NR3C2: variants seen among roughly 807,000 people sequenced by gnomAD.
NR3C2 encodes mineralocorticoid receptor.
In NR3C2, 15 loss-of-function variants were observed where a neutral mutation model predicts 86.4. The ratio of observed to expected loss-of-function variants is 0.17; its 90% CI spans 0.12 to 0.27. The LOEUF (loss-of-function observed/expected upper bound fraction) is 0.27, where lower values mean the gene tolerates loss of function less well. Ranked by LOEUF, NR3C2 falls within the 10% of genes least tolerant of loss-of-function variation. The probability of loss-of-function intolerance (pLI) is 1.00; values close to 1 mark genes in which losing one functional copy is unlikely to be tolerated. For synonymous variants in NR3C2, 458 were observed against 450.5 expected (o/e 1.02, Z -0.21); for missense variants, 960 against 1,195.6 (o/e 0.80, Z 2.91).
chr4:148,295,979 A>G (rs1291805852), intron 2 of NR3C2, among the ~76,000 whole-genome samples: 6 of 150,748 alleles, frequency 4.0e-5, no homozygotes, highest in Non-Finnish European at 8.8e-5. Flanking sequence ...CATGGAACAC[A>G]GAAGACAATT....
intron 4 of NR3C2, among the ~76,000 whole-genome samples, chr4:148,170,038 T>A (rs1479332419): frequency 2.6e-5 from 4 of 152,176 alleles, no homozygotes; most frequent in Non-Finnish European, 5.9e-5. Flanking sequence ...AAAAATTCGG[T>A]CTACACCATG....
intron 8 of NR3C2, among the ~76,000 whole-genome samples, chr4:148,098,500 C>T (rs1374126574): frequency 6.6e-6 from 1 of 152,192 alleles, no homozygotes; most frequent in Admixed American, 6.5e-5. Flanking sequence ...ATGCAGTAGA[C>T]CTCAAAAAGG....
At chr4:148,095,691 T>C (rs1174337912) in intron 8 of NR3C2, among the ~76,000 whole-genome samples, 2 of 152,110 alleles carry the variant, frequency 1.3e-5, no homozygotes, top group Non-Finnish European at 2.9e-5. Flanking sequence ...AGAGGCAGGG[T>C]TGTCCCATGC....
chr4:148,349,157 C>T (rs1745146402), intron 2 of NR3C2, among the ~76,000 whole-genome samples: 2 of 152,086 alleles, frequency 1.3e-5, no homozygotes, highest in Non-Finnish European at 2.9e-5. Flanking sequence ...CAGATCCTTC[C>T]TTACCATTAA....
chr4:148,266,844 TGAGAAGTGGCTAATTCA>T (rs760044296), intron 2 of NR3C2, among the ~76,000 whole-genome samples: 11 of 152,142 alleles, frequency 7.2e-5, no homozygotes, highest in Admixed American at 1.3e-4. Context: ...GTAAAGACAG[TGAGAAGTGGCTAATTCA>T]GAGAAATTTT....
chr4:148,370,543 T>A (rs951745351), intron 2 of NR3C2, among the ~76,000 whole-genome samples: 2 of 152,294 alleles, frequency 1.3e-5, no homozygotes, highest in African/African-American at 2.4e-5. Flanking sequence ...TGTCTACATA[T>A]GAAAGAAACA....
chr4:148,375,849 A>G (rs1310249063), intron 2 of NR3C2, among the ~76,000 whole-genome samples: 2 of 152,238 alleles, frequency 1.3e-5, no homozygotes, highest in African/African-American at 4.8e-5. Flanking sequence ...TGTCAAAAAT[A>G]ATGCAGGTGC....
In NR3C2 at chr4:148,422,724, G is replaced by A. The variant is rs1013859846; in HGVS notation, c.1757+12380C>T. On this transcript the variant is annotated intron_variant, in intron 2 of 8. Coordinates refer to ENST00000358102, the MANE Select transcript of NR3C2 (RefSeq NM_000901.5). ...CATTTACATAATCTTTCACCAGTTT[G>A]CTTTCCAACTCTGCCAAACCAGTAG... Among the ~76,000 whole-genome samples, 4 of 151,992 alleles carry A rather than the reference G, an allele frequency of 2.6e-5. No homozygotes were observed. In the East Asian group the frequency reaches 5.8e-4, roughly 22 times the overall value.
intron 2 of NR3C2, among the ~76,000 whole-genome samples, chr4:148,270,556 A>G (rs900342984): frequency 6.6e-6 from 1 of 152,164 alleles, no homozygotes; most frequent in Non-Finnish European, 1.5e-5. Flanking sequence ...CAAACCTACT[A>G]TCTGACTTTG....
chr4:148,405,268 C>A (rs1311461908), intron 2 of NR3C2, among the ~76,000 whole-genome samples: 2 of 152,230 alleles, frequency 1.3e-5, no homozygotes, highest in African/African-American at 4.8e-5. Context: ...CCTTTTCTCT[C>A]CAACTCTCAA....
chr4:148,152,885 C>T (rs1734168307), intron 5 of NR3C2, among the ~76,000 whole-genome samples: 1 of 152,188 alleles, frequency 6.6e-6, no homozygotes. Context: ...GTGTGGATGA[C>T]AGCCTAAAAC....
At chr4:148,099,083 C>G (rs1731420844) in intron 8 of NR3C2, among the ~76,000 whole-genome samples, 1 of 152,180 alleles carries the variant, frequency 6.6e-6, no homozygotes, top group African/African-American at 2.4e-5. Flanking sequence ...GGTGTTCTAC[C>G]CATTGCAAGC....
intron 4 of NR3C2, among the ~76,000 whole-genome samples, chr4:148,182,700 T>A (rs1022864962): frequency 1.3e-5 from 2 of 152,256 alleles, no homozygotes; most frequent in East Asian, 3.8e-4. Context: ...AAAAGATAGC[T>A]GAGCCACTTT....
intron 8 of NR3C2, among the ~76,000 whole-genome samples, chr4:148,086,328 A>G (rs1374500631): frequency 6.6e-6 from 1 of 152,224 alleles, no homozygotes; most frequent in African/African-American, 2.4e-5. Flanking sequence ...CTCAACATAC[A>G]CAAATCAATA....
In NR3C2 at chr4:148,435,120, G is replaced by A. The variant is rs1171302854; in HGVS notation, c.1741C>T (p.Pro581Ser). 6.2e-7 allele frequency: 1 copy of A among 1,614,128 alleles called. No homozygotes were observed. Among genetic ancestry groups the A allele is most frequent in the South Asian group, 1.1e-5 (1 of 91,080 alleles). Residue 581 changes from proline to serine, a missense_variant, in exon 2 of 9, where the codon CCA (proline) becomes TCA (serine). Physicochemically the swap from Pro to Ser is moderately conservative, Grantham distance 74. Around this residue, in one of 4 missense-constraint regions of NR3C2, gnomAD observed 680 missense variants for 719.0 expected, o/e 0.95. Coordinates refer to ENST00000358102, the MANE Select transcript of NR3C2 (RefSeq NM_000901.5). ...SDGYPVLEYI[P>S]ENVSSSTLRS... ...CCAACTTACCTTGATACATTTTCTG[G>A]AATGTATTCTAAGACCGGATACCCA...
chr4:148,141,680 T>A (rs6846614), intron 6 of NR3C2, among the ~76,000 whole-genome samples: 88,933 of 151,960 alleles, frequency 0.59, 26,792 homozygotes, highest in East Asian at 0.79. Context: ...ACACAGCAGG[T>A]GGTGGGCAGC....
At chr4:148,419,331 A>G (rs1290469116) in intron 2 of NR3C2, among the ~76,000 whole-genome samples, 1 of 152,208 alleles carries the variant, frequency 6.6e-6, no homozygotes, top group Admixed American at 6.5e-5. Flanking sequence ...GGTTCATGAA[A>G]TGGTTGGCGA....
intron 2 of NR3C2, among the ~76,000 whole-genome samples, chr4:148,267,462 T>C (rs1388425515): frequency 6.6e-6 from 1 of 152,124 alleles, no homozygotes; most frequent in African/African-American, 2.4e-5. Flanking sequence ...AGTGGACCTA[T>C]AGGTAATTCT....
At chr4:148,386,118 T>G (rs1386236756) in intron 2 of NR3C2, among the ~76,000 whole-genome samples, 1 of 151,966 alleles carries the variant, frequency 6.6e-6, no homozygotes, top group Non-Finnish European at 1.5e-5. Context: ...TCTAAATCCC[T>G]CCTCCTCCCA....
Sources: allele counts gnomAD v4.1 joint callset (sites outside exome capture counted in the v4.1 genomes callset), GRCh38; gene constraint gnomAD v4.1.1; regional missense constraint gnomAD v4.1.1; transcripts MANE v1.5; gene names NCBI Gene and HGNC (gene_info 2026-07-23, HGNC 2026-07-21).